Variants in MGAM observed in about 807,000 individuals in gnomAD.
MGAM encodes the protein alpha-1,4-glucosidase.
MGAM carries 253 observed loss-of-function variants against 358.8 expected under a neutral mutation model. The observed-to-expected ratio is 0.71, with a 90% CI of 0.64 to 0.78. The LOEUF is 0.78. Ranked by LOEUF, MGAM falls within the 30% of genes least tolerant of loss-of-function variation. The pLI, the probability that MGAM is intolerant of heterozygous loss-of-function variation, is 0.00. For synonymous variants in MGAM, 1,105 were observed against 1,227.1 expected (o/e 0.90, Z 2.08); for missense variants, 3,080 against 3,432.6 (o/e 0.90, Z 2.57).
chr7:142,050,551 A>T, intron 23 of MGAM, 146 bp from the exon 24 acceptor site: 1 of 948,784 alleles, frequency 1.1e-6, no homozygotes, highest in Non-Finnish European at 1.6e-6. Flanking sequence ...ATAATGTTGT[A>T]CTTCTTCAGC....
intron 44 of MGAM, among the ~76,000 whole-genome samples, chr7:142,073,710 T>C (rs1265968959): frequency 6.8e-6 from 1 of 146,374 alleles, no homozygotes; most frequent in African/African-American, 2.4e-5. Flanking sequence ...CACTGGACAC[T>C]TCTCCTGAGG....
chr7:142,045,421 T>C (rs1286296317), intron 21 of MGAM, among the ~76,000 whole-genome samples: 3 of 111,184 alleles, frequency 2.7e-5, no homozygotes, highest in African/African-American at 3.7e-5. Flanking sequence ...TATATATACC[T>C]ATAATACATG....
At chr7:142,048,883 A>G (rs1334110556) in intron 22 of MGAM, among the ~76,000 whole-genome samples, 1 of 152,188 alleles carries the variant, frequency 6.6e-6, no homozygotes, top group African/African-American at 2.4e-5. Flanking sequence ...TAATATATAT[A>G]TAGGCATAGT....
At chr7:142,018,805 A>C (rs1328987418) in intron 3 of MGAM, among the ~76,000 whole-genome samples, 2 of 152,254 alleles carry the variant, frequency 1.3e-5, no homozygotes, top group African/African-American at 4.8e-5. Context: ...TGAAAGCTTC[A>C]GAATACAGAT....
chr7:142,086,637 A>T lies in MGAM; in HGVS notation c.6748-18A>T, dbSNP rs556365858. On this transcript the variant is annotated intron_variant, in intron 56 of 70. Transcript: ENST00000475668. ...AAATTGTCTAGTGCATCGCTACTGA[A>T]CATGTTTCTCTCCATAGGTCTGGCC... 10 of 1,090,338 alleles carry T rather than the reference A, an allele frequency of 9.2e-6. 3 individuals are homozygous for T. The East Asian group carries it at 2.8e-4, about 31-fold the overall frequency. The allele number at this position is 1,090,338 out of a possible 1,614,324, so 67.5% of individuals were successfully genotyped here.
At chr7:142,039,894 A>C (rs1269999821) in intron 19 of MGAM, among the ~76,000 whole-genome samples, 7 of 152,116 alleles carry the variant, frequency 4.6e-5, no homozygotes, top group Non-Finnish European at 8.8e-5. Context: ...ATGTTTTATT[A>C]TTATTTTATG....
In MGAM at chr7:142,006,115, C is replaced by T. The variant is rs1026339402; in HGVS notation, c.127+458C>T. 4.6e-5 allele frequency among the ~76,000 whole-genome samples: 7 copies of T among 152,006 alleles called. No homozygotes were observed. In the South Asian group the frequency reaches 1.0e-3, roughly 23 times the overall value. On this transcript the variant is annotated intron_variant, in intron 2 of 70. Coordinates refer to ENST00000475668, the MANE Select transcript of MGAM (RefSeq NM_001365693.1). ...AAGACACTTTTGTAAAAGATGATAC[C>T]AGCCATTTAGTCCATCCATAAGAAC...
chr7:142,003,883 A>G (rs746298870), intron 1 of MGAM, among the ~76,000 whole-genome samples: 2 of 152,042 alleles, frequency 1.3e-5, no homozygotes, highest in Non-Finnish European at 2.9e-5. Flanking sequence ...GGCAAAGGAC[A>G]TGAACAGGTA....
At chr7:142,000,813 G>GT (rs782018816) in intron 1 of MGAM, among the ~76,000 whole-genome samples, 7 of 152,120 alleles carry the variant, frequency 4.6e-5, no homozygotes, top group Non-Finnish European at 8.8e-5. Context: ...AATTTTAATA[G>GT]TTTTTACCAA....
At chr7:142,004,205 A>G (rs1804969099) in intron 1 of MGAM, among the ~76,000 whole-genome samples, 1 of 152,022 alleles carries the variant, frequency 6.6e-6, no homozygotes, top group Admixed American at 6.6e-5. Context: ...CTACACATAA[A>G]AAAATAAATT....
At chr7:142,042,779 AAATAT>A (rs1219533260) in intron 21 of MGAM, among the ~76,000 whole-genome samples, 1 of 79,168 alleles carries the variant, frequency 1.3e-5, no homozygotes, top group East Asian at 3.7e-4. Context: ...ACATATATCT[AAATAT>A]AATATATATA....
chr7:142,032,954 A>G (rs782189429), intron 14 of MGAM, 45 bp downstream of exon 14: 31 of 1,312,884 alleles, frequency 2.4e-5, no homozygotes, highest in Non-Finnish European at 2.2e-6. Context: ...TATGTATTTC[A>G]TATTATAAAT....
At chr7:142,017,171 C>T (rs1467806080) in intron 3 of MGAM, among the ~76,000 whole-genome samples, 1 of 152,052 alleles carries the variant, frequency 6.6e-6, no homozygotes, top group Non-Finnish European at 1.5e-5. Context: ...AGGATTTCCA[C>T]ACTCCCCACA....
chr7:142,037,129 A>G (rs999983187), intron 18 of MGAM, among the ~76,000 whole-genome samples, 152 bp downstream of exon 18: 3 of 152,032 alleles, frequency 2.0e-5, no homozygotes, highest in Non-Finnish European at 2.9e-5. Flanking sequence ...ATATTCATTA[A>G]TCTATCTATC....
chr7:142,055,195 C>T (rs1286511758), intron 27 of MGAM, among the ~76,000 whole-genome samples: 2 of 152,114 alleles, frequency 1.3e-5, no homozygotes, highest in African/African-American at 2.4e-5. Context: ...CTTCTCATGA[C>T]AACAAATAAT....
chr7:142,076,587 T>C lies in MGAM; in HGVS notation c.5326-72T>C, dbSNP rs535615907. ...GGGGGGTATCCAGTCTGGAATAGAATATATGAGTGACTTGAGAATCTGTGT... is the reference window on the plus strand; with the variant it reads ...GGGGGGTATCCAGTCTGGAATAGAACATATGAGTGACTTGAGAATCTGTGT... On this transcript the variant is annotated intron_variant, in intron 46 of 70. Transcript: ENST00000475668. 1.9e-5 allele frequency: 25 copies of C among 1,289,168 alleles called. 1 individual carries two copies. The African/African-American group carries it at 3.5e-4, about 18-fold the overall frequency. The allele number at this position is 1,289,168 out of a possible 1,614,324, so 79.9% of individuals were successfully genotyped here.
intron 3 of MGAM, among the ~76,000 whole-genome samples, chr7:142,011,787 A>G (rs1805618503): frequency 6.6e-6 from 1 of 152,166 alleles, no homozygotes; most frequent in Non-Finnish European, 1.5e-5. Context: ...AATATTCACC[A>G]CAGTCTGATT....
At position 142,102,696 on chromosome 7, in the gene MGAM, T is replaced by G. The variant is rs201790996; in HGVS notation, c.8013+17T>G. The G allele has an allele frequency of 6.8e-6, 11 of 1,611,336 alleles. No homozygotes were observed. The East Asian group carries it at 2.2e-4, about 33-fold the overall frequency. Reference sequence around the variant, plus strand: ...GCCAGCCAGGTGAGTGTGATTGATATGAAGTGAGAATAGGGTTCCACTGGC... The same window carrying G: ...GCCAGCCAGGTGAGTGTGATTGATAGGAAGTGAGAATAGGGTTCCACTGGC... On this transcript the variant is annotated intron_variant, in intron 69 of 70. Transcript: ENST00000475668.
rs1464994716 is a variant in MGAM at position 142,105,835 on chromosome 7, G to A, written c.8206G>A (p.Asp2736Asn). ...ACAGGTATTAAGCATCGATGTGACT[G>A]ACAGAAACATCAGCCTACATAATTT... ...TTQVLSIDVT[D>N]RNISLHNFTS... The change falls in exon 71 of 71, where the codon GAC (aspartate) becomes AAC (asparagine). Residue 2736 changes from aspartate (D) to asparagine (N), a missense_variant. Physicochemically the swap from Asp to Asn is conservative, Grantham distance 23. Coordinates refer to ENST00000475668, the MANE Select transcript of MGAM (RefSeq NM_001365693.1). The A allele has an allele frequency of 3.1e-6, 5 of 1,613,296 alleles. No homozygotes were observed. The African/African-American group carries it at 4.0e-5, about 13-fold the overall frequency.
Sources: allele counts gnomAD v4.1 joint callset (sites outside exome capture counted in the v4.1 genomes callset), GRCh38; gene constraint gnomAD v4.1.1; transcripts MANE v1.5; gene names NCBI Gene and HGNC (gene_info 2026-07-23, HGNC 2026-07-21).